ATRNL1: variants seen among roughly 807,000 people sequenced by gnomAD.
The protein encoded by ATRNL1 is attractin like 1, also known as attractin-like protein 1.
Under a neutral mutation model 182.7 loss-of-function variants are expected in ATRNL1, and 95 were observed. The observed-to-expected ratio is 0.52, with a 90% confidence interval of 0.44 to 0.62. ATRNL1 has a LOEUF of 0.62. Ranked by LOEUF, ATRNL1 falls within the 20% of genes least tolerant of loss-of-function variation. The probability of loss-of-function intolerance (pLI) is 0.00; values close to 1 mark genes in which losing one functional copy is unlikely to be tolerated. For synonymous variants in ATRNL1, 576 were observed against 568.3 expected (o/e 1.01, Z -0.19); for missense variants, 1,471 against 1,679.5 (o/e 0.88, Z 2.17).
chr10:115,119,618 T>C (rs986767118), intron 1 of ATRNL1, among the ~76,000 whole-genome samples: 6 of 152,052 alleles, frequency 3.9e-5, no homozygotes, highest in African/African-American at 1.4e-4. Context: ...CAATTTTTTT[T>C]ATTTGTCCTG....
intron 19 of ATRNL1, among the ~76,000 whole-genome samples, chr10:115,383,088 A>G (rs782080971): frequency 2.0e-5 from 3 of 148,364 alleles, no homozygotes; most frequent in Non-Finnish European, 4.5e-5. Context: ...ATTTTTCTGT[A>G]TTTATTCGGT....
chr10:115,875,501 A>T (rs11197464), intron 28 of ATRNL1, among the ~76,000 whole-genome samples: 97,556 of 152,064 alleles, frequency 0.64, 34,812 homozygotes, highest in East Asian at 0.78. Context: ...CTCCCAAAGA[A>T]ATTCCCCAAA....
At chr10:115,917,956 A>C (rs782693962) in intron 28 of ATRNL1, among the ~76,000 whole-genome samples, 2 of 152,210 alleles carry the variant, frequency 1.3e-5, no homozygotes, top group Non-Finnish European at 2.9e-5. Flanking sequence ...AATTGTTAAA[A>C]TAGTAAATAA....
intron 8 of ATRNL1, among the ~76,000 whole-genome samples, chr10:115,208,058 T>C (rs1365347174): frequency 6.6e-6 from 1 of 152,030 alleles, no homozygotes; most frequent in Non-Finnish European, 1.5e-5. Flanking sequence ...CAGTTTATAT[T>C]TCTTTATAAG....
intron 24 of ATRNL1, among the ~76,000 whole-genome samples, chr10:115,504,614 T>G (rs918684016): frequency 6.6e-6 from 1 of 152,138 alleles, no homozygotes; most frequent in East Asian, 1.9e-4. Flanking sequence ...ATGAAATTAC[T>G]TGAATAATAA....
intron 25 of ATRNL1, 62 bp from the exon 26 acceptor site, chr10:115,549,396 G>A: frequency 2.4e-6 from 3 of 1,267,580 alleles, no homozygotes; most frequent in Non-Finnish European, 3.3e-6. Flanking sequence ...TTCATGTACT[G>A]TTTTTTCATT....
intron 26 of ATRNL1, among the ~76,000 whole-genome samples, chr10:115,595,775 A>G (rs1186969748): frequency 6.4e-5 from 4 of 62,970 alleles, no homozygotes; most frequent in Admixed American, 2.2e-4. Flanking sequence ...GAAATGTTAC[A>G]ATTTGGTCTC....
chr10:115,117,442 T>C (rs1844541122), intron 1 of ATRNL1, among the ~76,000 whole-genome samples: 1 of 152,104 alleles, frequency 6.6e-6, no homozygotes, highest in African/African-American at 2.4e-5. Flanking sequence ...CACAAATCAG[T>C]GAGAACATAT....
chr10:115,367,591 A>C (rs185119999), intron 19 of ATRNL1, among the ~76,000 whole-genome samples: 1,843 of 151,724 alleles, frequency 0.012, 35 homozygotes, highest in African/African-American at 0.041. Context: ...GGAGGAGAGG[A>C]ACTCTGCCTT....
intron 26 of ATRNL1, among the ~76,000 whole-genome samples, chr10:115,590,985 C>T (rs955894456): frequency 6.6e-6 from 1 of 152,110 alleles, no homozygotes; most frequent in African/African-American, 2.4e-5. Context: ...GATCTCACTT[C>T]GTTATATCTG....
At chr10:115,265,719 C>G (rs1851581933) in intron 11 of ATRNL1, among the ~76,000 whole-genome samples, 1 of 151,688 alleles carries the variant, frequency 6.6e-6, no homozygotes, top group Non-Finnish European at 1.5e-5. Context: ...GTCTCTTAAC[C>G]TCTCTGGACC....
intron 25 of ATRNL1, among the ~76,000 whole-genome samples, chr10:115,528,667 G>A (rs1592791595): frequency 1.3e-5 from 2 of 151,618 alleles, no homozygotes; most frequent in East Asian, 1.9e-4. Flanking sequence ...CCTTCATTCT[G>A]CTACCTTTGA....
At chr10:115,602,849 G>A (rs1206822931) in intron 26 of ATRNL1, among the ~76,000 whole-genome samples, 4 of 88,782 alleles carry the variant, frequency 4.5e-5, no homozygotes, top group Admixed American at 1.0e-4. Context: ...GCGAGACTCC[G>A]TCTCAAAAAA....
intron 27 of ATRNL1, among the ~76,000 whole-genome samples, chr10:115,781,583 C>T (rs939383891): frequency 1.3e-5 from 2 of 152,152 alleles, no homozygotes; most frequent in African/African-American, 2.4e-5. Flanking sequence ...GAGTATCCTA[C>T]TTATATCAAG....
At chr10:115,498,521 A>G (rs924327613) in intron 24 of ATRNL1, among the ~76,000 whole-genome samples, 80 of 152,156 alleles carry the variant, frequency 5.3e-4, no homozygotes, top group Non-Finnish European at 5.1e-4. Flanking sequence ...GACATCAGCA[A>G]TTGTGGGGTA....
intron 20 of ATRNL1, among the ~76,000 whole-genome samples, chr10:115,416,644 A>G (rs1162822647): frequency 6.6e-6 from 1 of 152,196 alleles, no homozygotes; most frequent in Non-Finnish European, 1.5e-5. Context: ...ACACAAGAAC[A>G]TATAGTTTCA....
chr10:115,820,242 C>T (rs550238102), intron 27 of ATRNL1: 17 of 152,112 alleles, frequency 1.1e-4, no homozygotes, highest in South Asian at 4.1e-4. Flanking sequence ...TCATTCTGTC[C>T]CACATAAGTA....
chr10:115,161,452 C>T (rs1846778671), intron 6 of ATRNL1, among the ~76,000 whole-genome samples: 1 of 151,758 alleles, frequency 6.6e-6, no homozygotes, highest in African/African-American at 2.4e-5. Flanking sequence ...AGGAAATTAA[C>T]TATGTTTAAA....
At position 115,291,301 on chromosome 10, in the gene ATRNL1, AT is replaced by A. The variant is rs536277130; in HGVS notation, c.2415+4907del. ...TTCTGTTTCAATTTGGATGTCTTTT[AT>A]TTCTTCTGTTGCCTAATTGCCCTGG... On this transcript the variant is annotated intron_variant, in intron 15 of 28. Coordinates refer to ENST00000355044, the MANE Select transcript of ATRNL1 (RefSeq NM_207303.4). Among the ~76,000 whole-genome samples the A allele has an allele frequency of 8.5e-4, 129 of 152,132 alleles. 3 individuals are homozygous for A. The South Asian group carries it at 0.026, about 30-fold the overall frequency.
Sources: gnomAD v4.1 joint callset for allele counts (sites outside exome capture counted in the v4.1 genomes callset) on GRCh38, gnomAD v4.1.1 for gene constraint, MANE v1.5 for transcripts, NCBI Gene and HGNC (gene_info 2026-07-23, HGNC 2026-07-21) for gene names.